The following PKD1L1 variants were observed in gnomAD, a reference collection of about 807,000 sequenced individuals.
The protein encoded by PKD1L1 is polycystin 1 like 1, transient receptor potential channel interacting.
A neutral mutation model predicts 323.4 loss-of-function variants in PKD1L1; 236 were observed. That is an observed-to-expected ratio of 0.73 (90% CI 0.66 to 0.81). The LOEUF (loss-of-function observed/expected upper bound fraction) is 0.81. Among genes scored for constraint, PKD1L1 ranks in the 40% least tolerant of loss-of-function variants. The pLI, the probability that PKD1L1 is intolerant of heterozygous loss-of-function variation, is 0.00. For synonymous variants in PKD1L1, 1,344 were observed against 1,335.0 expected (o/e 1.01, Z -0.15); for missense variants, 3,320 against 3,508.0 (o/e 0.95, Z 1.35).
chr7:47,792,037 ACAAAGACGGCTTCCTG>A (rs1283904590), intron 56 of PKD1L1, among the ~76,000 whole-genome samples: 2 of 152,202 alleles, frequency 1.3e-5, no homozygotes, highest in Non-Finnish European at 2.9e-5. Flanking sequence ...ACAGCTTCCT[ACAAAGACGGCTTCCTG>A]CACGTTTTGT....
chr7:47,929,306 G>A lies in PKD1L1; in HGVS notation c.958C>T (p.Leu320Phe), dbSNP rs745617620. The A allele has an allele frequency of 3.1e-6, 5 of 1,614,056 alleles. No homozygotes were observed. The highest frequency in any genetic ancestry group is 1.3e-5 in the African/African-American group (1 of 74,912). ...TCCCCGAAATCCATCATCAGACAGA[G>A]AGCCTCTCCAGAAGCCATATGAACA... ...FRVHMASGEALCLMMDFGDSS... is the reference protein window; with the variant it reads ...FRVHMASGEAFCLMMDFGDSS... Residue 320 changes from leucine to phenylalanine, a missense_variant, in exon 7 of 57, where the codon CTC (leucine) becomes TTC (phenylalanine). By Grantham distance (22) the Leu-to-Phe change is conservative (BLOSUM62 0). Coordinates refer to ENST00000289672, the MANE Select transcript of PKD1L1 (RefSeq NM_138295.5).
At chr7:47,782,656 C>G (rs142029932) in intron 56 of PKD1L1, among the ~76,000 whole-genome samples, 16 of 152,264 alleles carry the variant, frequency 1.1e-4, no homozygotes, top group African/African-American at 3.9e-4. Flanking sequence ...CATTGGTACA[C>G]CCATGTGTGC....
At chr7:47,884,824 T>A (rs1017593142) in intron 18 of PKD1L1, among the ~76,000 whole-genome samples, 167 bp from the exon 19 acceptor site, 1 of 152,138 alleles carries the variant, frequency 6.6e-6, no homozygotes, top group Non-Finnish European at 1.5e-5. Context: ...CCCTCACTCA[T>A]GACAGCTGGG....
upstream of PKD1L1, among the ~76,000 whole-genome samples, chr7:47,949,236 G>A (rs931391936): frequency 2.0e-5 from 3 of 151,884 alleles, no homozygotes; most frequent in Non-Finnish European, 4.4e-5. Flanking sequence ...AGGCATGGTG[G>A]CACGCACCTG....
chr7:47,881,469 A>C (rs527545162), intron 20 of PKD1L1, among the ~76,000 whole-genome samples: 95 of 152,316 alleles, frequency 6.2e-4, no homozygotes, highest in Non-Finnish European at 1.1e-3. Context: ...AATCACATGT[A>C]TTAACACGAA....
Position 47,831,564 on chromosome 7 carries a change from C to T in PKD1L1, c.6338-212G>A, listed in dbSNP as rs1785349850. Among the ~76,000 whole-genome samples, 3 of 152,172 alleles carry T rather than the reference C, an allele frequency of 2.0e-5. 1 individual carries two copies. Among genetic ancestry groups the T allele is most frequent in the South Asian group, 4.1e-4 (2 of 4,820 alleles). On this transcript the variant is annotated intron_variant, in intron 41 of 56. Coordinates refer to ENST00000289672, the MANE Select transcript of PKD1L1 (RefSeq NM_138295.5). ...CAGCAGACTGAGTGAAGCAGAGGGC[C>T]TTCCTAGCCACAGGCCTCCTCCAAT... is the stretch of plus-strand genomic sequence containing the variant.
At chr7:47,834,176 C>T (rs577849577) in intron 40 of PKD1L1, among the ~76,000 whole-genome samples, 163 bp downstream of exon 40, 245 of 152,316 alleles carry the variant, frequency 1.6e-3, no homozygotes, top group African/African-American at 5.7e-3. Context: ...AGGACGGCCC[C>T]CAGCCAGCAC....
rs1785520732 is a variant in PKD1L1 at position 47,839,387 on chromosome 7, G to A, written c.5769+59C>T. ...ACTGTGGCAAGCGAAGCAGAGACAG[G>A]TGCCATGCTCTGCCGGTCAGCCAGG... is the stretch of plus-strand genomic sequence containing the variant. On this transcript the variant is annotated intron_variant, in intron 36 of 56. Transcript: ENST00000289672. This position sits in a 1 kb window ranked among gnomAD's most constrained non-coding sequence, Gnocchi z 4.3. 1.4e-6 allele frequency: 2 copies of A among 1,408,164 alleles called. No homozygotes were observed. Among genetic ancestry groups the A allele is most frequent in the Non-Finnish European group, 2.0e-6 (2 of 1,020,678 alleles). The allele number at this position is 1,408,164 out of a possible 1,614,324, so 87.2% of individuals were successfully genotyped here.
chr7:47,829,497 T>C lies in PKD1L1; in HGVS notation c.6663A>G (p.Ala2221=), dbSNP rs781103219. The C allele has an allele frequency of 2.5e-6, 4 of 1,614,182 alleles. No homozygotes were observed. Among genetic ancestry groups the C allele is most frequent in the Non-Finnish European group, 3.4e-6 (4 of 1,180,020 alleles). ...EATRDLDSEL[A]ERSWTRLPFS... ...AGGGGAGGCGAGTCCAGGAACGTTCTGCCAATTCAGAGTCCAGATCCCTGG... is the reference window on the plus strand; with the variant it reads ...AGGGGAGGCGAGTCCAGGAACGTTCCGCCAATTCAGAGTCCAGATCCCTGG... The change falls in exon 44 of 57, where the codon GCA becomes GCG. Residue 2221 remains alanine (A), a synonymous_variant. Transcript: ENST00000289672.
At chr7:47,898,702 C>A (rs1337761268) in intron 13 of PKD1L1, among the ~76,000 whole-genome samples, 1 of 151,892 alleles carries the variant, frequency 6.6e-6, no homozygotes, top group Non-Finnish European at 1.5e-5. Context: ...GACATTTAAT[C>A]CCTAAATACT....
intron 14 of PKD1L1, among the ~76,000 whole-genome samples, chr7:47,895,204 G>A (rs1227985830): frequency 6.6e-6 from 1 of 152,210 alleles, no homozygotes; most frequent in African/African-American, 2.4e-5. Flanking sequence ...GTCAGAGACA[G>A]CAGAAGTTAC....
chr7:47,909,341 C>A (rs1308132439), intron 8 of PKD1L1, among the ~76,000 whole-genome samples: 1 of 152,202 alleles, frequency 6.6e-6, no homozygotes, highest in African/African-American at 2.4e-5. Flanking sequence ...ACCAGGCCCA[C>A]AACTGATGCA....
At chr7:47,786,254 G>A (rs879528075) in intron 56 of PKD1L1, among the ~76,000 whole-genome samples, 3 of 150,712 alleles carry the variant, frequency 2.0e-5, no homozygotes, top group Admixed American at 6.6e-5. Context: ...CTACGTAAAC[G>A]CATTGGGAAA....
intron 28 of PKD1L1, among the ~76,000 whole-genome samples, chr7:47,856,007 T>C (rs898827025): frequency 2.6e-5 from 4 of 151,698 alleles, no homozygotes; most frequent in Non-Finnish European, 5.9e-5. Flanking sequence ...ATAGAGTACA[T>C]ATTTGGCAGA....
chr7:47,912,331 A>G (rs1017513087), intron 8 of PKD1L1, among the ~76,000 whole-genome samples: 1 of 152,222 alleles, frequency 6.6e-6, no homozygotes, highest in African/African-American at 2.4e-5. Context: ...AAAGAGAACT[A>G]ATAGATGTAT....
intron 46 of PKD1L1, among the ~76,000 whole-genome samples, chr7:47,816,231 C>A (rs1785016081): frequency 6.6e-6 from 1 of 152,220 alleles, no homozygotes; most frequent in Non-Finnish European, 1.5e-5. Flanking sequence ...GCAGTGTTGG[C>A]ACAAACACTA....
At chr7:47,894,391 G>T (rs1274324825) in intron 14 of PKD1L1, among the ~76,000 whole-genome samples, 1 of 152,144 alleles carries the variant, frequency 6.6e-6, no homozygotes, top group African/African-American at 2.4e-5. Flanking sequence ...AATTGTTCAG[G>T]CTCCTGGCTT....
rs1481898225 is a variant in PKD1L1 at position 47,916,901 on chromosome 7, A to G, written c.1061-1302T>C. Among the ~76,000 whole-genome samples, 4 of 152,208 alleles carry G rather than the reference A, an allele frequency of 2.6e-5. No individual in the cohort carries two copies. The East Asian group carries it at 7.7e-4, about 29-fold the overall frequency. On this transcript the variant is annotated intron_variant, in intron 7 of 56. Transcript: ENST00000289672. ...AGGAACCAGAAAACCAACTCTGGTA[A>G]TATGACAAAACAAGGTTCTTTAACA...
At chr7:47,809,787 A>C (rs1317390739) in intron 50 of PKD1L1, 1 of 416,228 alleles carries the variant, frequency 2.4e-6, no homozygotes, top group African/African-American at 2.0e-5. Context: ...AAGCACTCAC[A>C]GAAACTCCAT....
Sources: gnomAD v4.1 joint callset for allele counts (sites outside exome capture counted in the v4.1 genomes callset) on GRCh38, gnomAD v4.1.1 for gene constraint, Gnocchi (gnomAD v3.1) non-coding constraint, MANE v1.5 for transcripts, NCBI Gene and HGNC (gene_info 2026-07-23, HGNC 2026-07-21) for gene names.